ZSWIM5: variants seen among roughly 807,000 people sequenced by gnomAD.
The protein encoded by ZSWIM5 is zinc finger SWIM-type containing 5.
Under a neutral mutation model 119.6 loss-of-function variants are expected in ZSWIM5, and 55 were observed. The ratio of observed to expected loss-of-function variants is 0.46; its 90% CI spans 0.37 to 0.58. The LOEUF (loss-of-function observed/expected upper bound fraction) is 0.58, where lower values mean the gene tolerates loss of function less well. Ranked by LOEUF, ZSWIM5 falls within the 20% of genes least tolerant of loss-of-function variation. The probability of loss-of-function intolerance (pLI) is 0.00; values close to 1 mark genes in which losing one functional copy is unlikely to be tolerated. For missense variants in ZSWIM5, 1,193 were observed against 1,512.8 expected, an observed-to-expected ratio of 0.79 and a Z score of 3.51; for synonymous variants, 537 against 606.9, an observed-to-expected ratio of 0.88 and a Z score of 1.69.
intron 5 of ZSWIM5, among the ~76,000 whole-genome samples, chr1:45,047,060 C>A (rs1473451505): frequency 6.8e-6 from 1 of 147,854 alleles, no homozygotes; most frequent in Non-Finnish European, 1.5e-5. Context: ...GGTCTGATGA[C>A]AGATCCCTGG....
intron 7 of ZSWIM5, 106 bp downstream of exon 7, chr1:45,040,286 C>A (rs963823541): frequency 2.7e-4 from 326 of 1,228,696 alleles, no homozygotes; most frequent in Non-Finnish European, 3.5e-4. Context: ...TTCCACACAG[C>A]AAGGAGAATG....
At chr1:45,195,964 C>T (rs1363543940) in intron 1 of ZSWIM5, among the ~76,000 whole-genome samples, 1 of 150,436 alleles carries the variant, frequency 6.6e-6, no homozygotes, top group Non-Finnish European at 1.5e-5. Context: ...ACCTCCCAGG[C>T]TCAAGCAATC....
rs1645347281 is a variant in ZSWIM5, at chr1:45,088,874, T to A, written c.596-637A>T. The stretch of plus-strand genomic sequence containing the variant: ...CTCACTAGGCACACAGTAACAATAA[T>A]TTTGAAATGTAGGGAGAACCCATTT... On this transcript the variant is annotated intron_variant, in intron 1 of 13. Transcript: ENST00000359600. The surrounding 1 kb of genome is among the most constrained non-coding windows in gnomAD (Gnocchi z 4.2). 6.6e-6 allele frequency among the ~76,000 whole-genome samples: 1 copy of A among 152,200 alleles called. No individual in the cohort carries two copies. The highest frequency in any genetic ancestry group is 2.1e-4 in the South Asian group (1 of 4,836).
intron 1 of ZSWIM5, among the ~76,000 whole-genome samples, chr1:45,132,452 A>G (rs1645663495): frequency 6.6e-6 from 1 of 152,162 alleles, no homozygotes; most frequent in South Asian, 2.1e-4. Context: ...TCTATGCAAT[A>G]CTAGAATAAA....
intron 2 of ZSWIM5, among the ~76,000 whole-genome samples, chr1:45,081,728 G>A (rs1401536663): frequency 2.6e-5 from 4 of 151,966 alleles, no homozygotes; most frequent in African/African-American, 4.8e-5. Flanking sequence ...CTGCCCGGCC[G>A]CCACCCCGTC....
At chr1:45,162,861 C>A (rs1439727238) in intron 1 of ZSWIM5, among the ~76,000 whole-genome samples, 1 of 152,226 alleles carries the variant, frequency 6.6e-6, no homozygotes, top group Non-Finnish European at 1.5e-5. Flanking sequence ...CTCAAGGAGG[C>A]CTGCCTGCCT....
intron 1 of ZSWIM5, among the ~76,000 whole-genome samples, chr1:45,135,982 T>C (rs1337253153): frequency 6.6e-6 from 1 of 152,078 alleles, no homozygotes; most frequent in Non-Finnish European, 1.5e-5. Context: ...CACCTCAGTC[T>C]CCCAAGTAGC....
At chr1:45,094,090 C>A (rs1645384813) in intron 1 of ZSWIM5, among the ~76,000 whole-genome samples, 1 of 147,808 alleles carries the variant, frequency 6.8e-6, no homozygotes, top group African/African-American at 2.5e-5. Flanking sequence ...GGAGTCTTAC[C>A]CTGTCGCCAG....
At chr1:45,201,516 CAGTT>C (rs1646158322) in intron 1 of ZSWIM5, among the ~76,000 whole-genome samples, 1 of 152,020 alleles carries the variant, frequency 6.6e-6, no homozygotes. Context: ...AGATTACTGA[CAGTT>C]AATGTCTTGT....
Position 45,019,311 on chromosome 1 carries a change from G to A in ZSWIM5, c.2701C>T (p.Arg901Trp), listed in dbSNP as rs558435745. 7 of 1,607,904 alleles carry A rather than the reference G, an allele frequency of 4.4e-6. No homozygotes were observed. Among genetic ancestry groups the A allele is most frequent in the Admixed American group, 3.3e-5 (2 of 59,938 alleles). Reference protein sequence around the residue: ...LVTCATEVGVRALVSILQSWY... With the variant: ...LVTCATEVGVWALVSILQSWY... ...CTCTGCAAGATGCTCACCAGGGCCC[G>A]CACACCTGTCAGGGGGAGCCTGAGC... The change falls in exon 14 of 14, where the codon CGG becomes TGG. Residue 901 changes from arginine to tryptophan, a missense_variant. Physicochemically the swap from Arg to Trp is moderately radical, Grantham distance 101. Transcript: ENST00000359600. This position sits in a 1 kb window ranked among gnomAD's most constrained non-coding sequence, Gnocchi z 5.0.
intron 2 of ZSWIM5, among the ~76,000 whole-genome samples, chr1:45,070,934 C>G (rs1645218016): frequency 1.3e-5 from 2 of 152,136 alleles, no homozygotes. Context: ...GACCTGACTT[C>G]TCAAGTTATC....
intron 5 of ZSWIM5, among the ~76,000 whole-genome samples, chr1:45,047,901 T>C (rs1472219042): frequency 3.3e-5 from 5 of 152,018 alleles, no homozygotes; most frequent in Admixed American, 2.0e-4. Context: ...AGGAAAAAGA[T>C]GGTGTGAAAT....
intron 1 of ZSWIM5, among the ~76,000 whole-genome samples, chr1:45,156,599 T>G (rs1645828300): frequency 6.6e-6 from 1 of 151,864 alleles, no homozygotes; most frequent in Admixed American, 6.6e-5. Context: ...AGTTCAGTCT[T>G]GGACATGCTG....
intron 1 of ZSWIM5, among the ~76,000 whole-genome samples, chr1:45,195,123 T>C (rs1646114219): frequency 1.3e-5 from 2 of 152,236 alleles, no homozygotes; most frequent in Admixed American, 6.5e-5. Flanking sequence ...ACTGATTTAA[T>C]AGAAAATTTT....
chr1:45,094,204 C>T (rs549225165), intron 1 of ZSWIM5, among the ~76,000 whole-genome samples: 92 of 151,556 alleles, frequency 6.1e-4, no homozygotes, highest in Non-Finnish European at 1.2e-3. Flanking sequence ...TACAGGCACG[C>T]GCCACCACGC....
At chr1:45,185,601 A>T (rs1322183409) in intron 1 of ZSWIM5, among the ~76,000 whole-genome samples, 8 of 151,652 alleles carry the variant, frequency 5.3e-5, no homozygotes, top group African/African-American at 1.9e-4. Flanking sequence ...GGATATGAAC[A>T]GACACTTCTC....
In ZSWIM5 at chr1:45,062,451, A is replaced by G. The variant is rs182100734; in HGVS notation, c.953-2204T>C. Among the ~76,000 whole-genome samples the G allele has an allele frequency of 1.5e-3, 232 of 152,258 alleles. 2 individuals are homozygous for G. The Middle Eastern group carries it at 0.041, about 27-fold the overall frequency. ...ATTAACACATATGATCTGCCACTTT[A>G]TTGTATCTATTCTATGCTACTTTTC... On this transcript the variant is annotated intron_variant, in intron 2 of 13. Transcript: ENST00000359600.
intron 1 of ZSWIM5, among the ~76,000 whole-genome samples, chr1:45,166,670 A>G (rs928192001): frequency 2.0e-5 from 3 of 152,114 alleles, no homozygotes; most frequent in Non-Finnish European, 4.4e-5. Flanking sequence ...ATTCCTATAC[A>G]CCAATAACAG....
rs765757823 is a variant in ZSWIM5, at chr1:45,206,379, G to A, written c.-29C>T. On this transcript the variant is annotated 5_prime_UTR_variant, in exon 1 of 14. Transcript: ENST00000359600. ...TGGGGACTGACTGACTGACTGAGGC[G>A]GCGGCGGCTGCTCGGGCTGCGGCGG... is the stretch of plus-strand genomic sequence containing the variant. 1.3e-5 allele frequency: 18 copies of A among 1,358,140 alleles called. No homozygotes were observed. Among genetic ancestry groups the A allele is most frequent in the East Asian group, 1.2e-4 (4 of 32,408 alleles). The allele number at this position is 1,358,140 out of a possible 1,614,324, so 84.1% of individuals were successfully genotyped here.
Sources: allele counts gnomAD v4.1 joint callset (sites outside exome capture counted in the v4.1 genomes callset), GRCh38; gene constraint gnomAD v4.1.1; non-coding constraint Gnocchi (gnomAD v3.1); transcripts MANE v1.5; gene names NCBI Gene and HGNC (gene_info 2026-07-23, HGNC 2026-07-21).